ADGB: variants seen among roughly 807,000 people sequenced by gnomAD.
ADGB encodes androglobin.
In ADGB, 172 loss-of-function variants were observed where a neutral mutation model predicts 210.5. That is an observed-to-expected ratio of 0.82 (90% CI 0.72 to 0.93). The LOEUF (loss-of-function observed/expected upper bound fraction) is 0.93, where lower values mean the gene tolerates loss of function less well. Ranked by LOEUF, ADGB falls within the 40% of genes least tolerant of loss-of-function variation. The pLI is 0.00. For missense variants in ADGB, 2,025 were observed against 1,964.8 expected (o/e 1.03, Z -0.58); for synonymous variants, 658 against 662.7 (o/e 0.99, Z 0.11).
intron 12 of ADGB, among the ~76,000 whole-genome samples, chr6:146,696,423 T>C (rs1432291427): frequency 6.6e-6 from 1 of 151,758 alleles, no homozygotes; most frequent in Non-Finnish European, 1.5e-5. Context: ...AAATAAGGCC[T>C]ACTTCAAATG....
intron 13 of ADGB, among the ~76,000 whole-genome samples, chr6:146,711,876 A>G (rs1776661570): frequency 1.3e-5 from 2 of 150,414 alleles, no homozygotes; most frequent in South Asian, 4.2e-4. Flanking sequence ...AAAAACAAAC[A>G]AAAAAAAACA....
chr6:146,720,684 G>T (rs929711097), intron 16 of ADGB, among the ~76,000 whole-genome samples: 1 of 152,254 alleles, frequency 6.6e-6, no homozygotes, highest in African/African-American at 2.4e-5. Context: ...ATGGTGGAAG[G>T]CTATGGGGAA....
intron 26 of ADGB, among the ~76,000 whole-genome samples, chr6:146,749,858 C>G (rs1018381100): frequency 1.3e-5 from 2 of 152,024 alleles, no homozygotes; most frequent in South Asian, 4.1e-4. Flanking sequence ...AAGTGCTATA[C>G]ACTTTCAAAC....
chr6:146,713,390 C>T (rs1174355311), intron 13 of ADGB, among the ~76,000 whole-genome samples: 1 of 151,288 alleles, frequency 6.6e-6, no homozygotes, highest in Non-Finnish European at 1.5e-5. Context: ...TACATCCTTA[C>T]CAACATTTAT....
chr6:146,668,999 G>T (rs895594735), intron 7 of ADGB, among the ~76,000 whole-genome samples: 2 of 151,994 alleles, frequency 1.3e-5, no homozygotes, highest in Non-Finnish European at 2.9e-5. Flanking sequence ...TCATTCCGTG[G>T]TGTTTGAATA....
intron 27 of ADGB, among the ~76,000 whole-genome samples, chr6:146,762,596 G>T (rs182604438): frequency 1.3e-5 from 2 of 152,028 alleles, no homozygotes; most frequent in Non-Finnish European, 2.9e-5. Flanking sequence ...TATATTGTGC[G>T]TGCTACACTG....
intron 5 of ADGB, among the ~76,000 whole-genome samples, chr6:146,663,355 C>T (rs1036793155): frequency 6.6e-6 from 1 of 151,360 alleles, no homozygotes; most frequent in African/African-American, 2.4e-5. Context: ...GATCAAGGCA[C>T]TGGTAGATTT....
Position 146,724,190 on chromosome 6 carries a change from A to G in ADGB, c.2100A>G (p.Leu700=), listed in dbSNP as rs763038788. ...ACCTTTTTACTTATCTTAAAGCCTT[A>G]ACAAAAGACAGTCCTCCCATAGAGC... is the stretch of plus-strand genomic sequence containing the variant. ...ALVRWGEYGA[L]TKDSPPIEPG... Residue 700 remains leucine, a synonymous_variant, in exon 18 of 36, where the codon TTA becomes TTG. Coordinates refer to ENST00000397944, the MANE Select transcript of ADGB (RefSeq NM_024694.4). 15 of 1,546,682 alleles carry G rather than the reference A, an allele frequency of 9.7e-6. No individual in the cohort carries two copies. Among genetic ancestry groups the G allele is most frequent in the Non-Finnish European group, 1.3e-5 (15 of 1,145,666 alleles).
chr6:146,697,067 G>A (rs1282664175), intron 12 of ADGB, among the ~76,000 whole-genome samples: 1 of 152,058 alleles, frequency 6.6e-6, no homozygotes, highest in Non-Finnish European at 1.5e-5. Flanking sequence ...GGAAAAAAAA[G>A]ACTAACTAAA....
chr6:146,661,534 T>A (rs1167160645), intron 5 of ADGB, among the ~76,000 whole-genome samples: 1 of 152,122 alleles, frequency 6.6e-6, no homozygotes, highest in African/African-American at 2.4e-5. Flanking sequence ...ATAGTTTTTT[T>A]AAACATTTCC....
chr6:146,682,832 A>G (rs1219107092), intron 9 of ADGB, among the ~76,000 whole-genome samples: 1 of 152,158 alleles, frequency 6.6e-6, no homozygotes, highest in African/African-American at 2.4e-5. Context: ...TTTCTTGGCT[A>G]ATAAACTTTT....
At chr6:146,790,639 C>T (rs759434964) in intron 33 of ADGB, among the ~76,000 whole-genome samples, 4 of 152,146 alleles carry the variant, frequency 2.6e-5, no homozygotes, top group Non-Finnish European at 2.9e-5. Context: ...TTGTGAATAA[C>T]GTAATGCACA....
intron 17 of ADGB, among the ~76,000 whole-genome samples, chr6:146,722,234 C>T (rs778002609): frequency 5.3e-5 from 8 of 152,004 alleles, no homozygotes; most frequent in Non-Finnish European, 1.0e-4. Flanking sequence ...GGCATCATCT[C>T]AGTCATCTCA....
At chr6:146,744,972 GC>G (rs1457934177) in intron 25 of ADGB, among the ~76,000 whole-genome samples, 1 of 152,014 alleles carries the variant, frequency 6.6e-6, no homozygotes, top group Non-Finnish European at 1.5e-5. Flanking sequence ...ATTACCCTTT[GC>G]CAGTAAAAAT....
At chr6:146,795,542 C>T (rs1778027785) in intron 33 of ADGB, among the ~76,000 whole-genome samples, 2 of 151,976 alleles carry the variant, frequency 1.3e-5, no homozygotes, top group Non-Finnish European at 2.9e-5. Flanking sequence ...CCAATAAGCA[C>T]ATGAAAAAAA....
At chr6:146,751,037 A>G (rs974818480) in intron 26 of ADGB, among the ~76,000 whole-genome samples, 8 of 152,124 alleles carry the variant, frequency 5.3e-5, no homozygotes, top group Admixed American at 1.3e-4. Flanking sequence ...ATAGGTAAAC[A>G]TGTGCCATGG....
At chr6:146,798,336 AC>A (rs759987936) in intron 33 of ADGB, among the ~76,000 whole-genome samples, 51 of 152,232 alleles carry the variant, frequency 3.4e-4, no homozygotes, top group Non-Finnish European at 3.4e-4. Context: ...CTTATAATGT[AC>A]AAACATATAT....
intron 7 of ADGB, among the ~76,000 whole-genome samples, chr6:146,671,001 A>G (rs968769665): frequency 2.0e-5 from 3 of 152,168 alleles, no homozygotes; most frequent in Non-Finnish European, 4.4e-5. Context: ...AAGAAAATAT[A>G]TCAAGGAAAT....
chr6:146,746,340 C>T (rs1356125006), intron 26 of ADGB, among the ~76,000 whole-genome samples: 2 of 152,136 alleles, frequency 1.3e-5, no homozygotes, highest in Non-Finnish European at 2.9e-5. Flanking sequence ...TCCTACTTGA[C>T]TTTGATTAAA....
Sources: gnomAD v4.1 joint callset for allele counts (sites outside exome capture counted in the v4.1 genomes callset) on GRCh38, gnomAD v4.1.1 for gene constraint, MANE v1.5 for transcripts, NCBI Gene and HGNC (gene_info 2026-07-23, HGNC 2026-07-21) for gene names.